IRAG1: variants seen among roughly 807,000 people sequenced by gnomAD.
The protein encoded by IRAG1 is inositol 1,4,5-triphosphate receptor associated 1.
A neutral mutation model predicts 106.2 loss-of-function variants in IRAG1; 62 were observed. The observed-to-expected ratio is 0.58, with a 90% CI of 0.48 to 0.72. The LOEUF (loss-of-function observed/expected upper bound fraction) is 0.72. Ranked by LOEUF, IRAG1 falls within the 30% of genes least tolerant of loss-of-function variation. IRAG1 has a pLI of 0.00. For synonymous variants in IRAG1, 462 were observed against 443.9 expected, an observed-to-expected ratio of 1.04 and a Z score of -0.51; for missense variants, 1,064 against 1,140.7, an observed-to-expected ratio of 0.93 and a Z score of 0.97.
rs1859211208 is a variant in IRAG1 at position 10,659,277 on chromosome 11, G to C, written c.68-7095C>G. Among the ~76,000 whole-genome samples, 1 of 152,192 alleles carries C rather than the reference G, an allele frequency of 6.6e-6. No individual in the cohort carries two copies. Among genetic ancestry groups the C allele is most frequent in the Non-Finnish European group, 1.5e-5 (1 of 68,020 alleles). Reference sequence around the variant, plus strand: ...AAGTGGGTAAGTGAGTGACTGAAGGGGGTACAGCCACCCCCCAGTGTGTGG... The same window carrying C: ...AAGTGGGTAAGTGAGTGACTGAAGGCGGTACAGCCACCCCCCAGTGTGTGG... On this transcript the variant is annotated intron_variant, in intron 1 of 20. Coordinates refer to ENST00000423302, the MANE Select transcript of IRAG1 (RefSeq NM_130385.4). This position sits in a 1 kb window ranked among gnomAD's most constrained non-coding sequence, Gnocchi z 4.1.
At chr11:10,633,205 G>C (rs1856855100) in intron 3 of IRAG1, among the ~76,000 whole-genome samples, 1 of 151,488 alleles carries the variant, frequency 6.6e-6, no homozygotes, top group African/African-American at 2.4e-5. Context: ...CTCCCGAGTA[G>C]CTGGGACTAC....
At chr11:10,578,007 C>T (rs765255313) in intron 20 of IRAG1, among the ~76,000 whole-genome samples, 2 of 152,152 alleles carry the variant, frequency 1.3e-5, no homozygotes, top group Non-Finnish European at 2.9e-5. Flanking sequence ...TAAAATGGAG[C>T]CTTTGGGGCT....
At chr11:10,618,210 G>GCTTC (rs1855574335) in intron 10 of IRAG1, among the ~76,000 whole-genome samples, 3 of 152,072 alleles carry the variant, frequency 2.0e-5, no homozygotes, top group African/African-American at 7.2e-5. Flanking sequence ...CCCCCTGCTT[G>GCTTC]GGATGACTTT....
At chr11:10,614,296 C>T (rs950483554) in intron 10 of IRAG1, among the ~76,000 whole-genome samples, 1 of 152,110 alleles carries the variant, frequency 6.6e-6, no homozygotes, top group African/African-American at 2.4e-5. Context: ...CTGTGTCATA[C>T]CATACCTGAT....
intron 2 of IRAG1, among the ~76,000 whole-genome samples, chr11:10,649,184 A>T (rs983786982): frequency 1.3e-5 from 2 of 152,156 alleles, no homozygotes; most frequent in African/African-American, 4.8e-5. Context: ...TGAGAAACCC[A>T]ATGTGGGTGG....
rs1859030210 is a variant in IRAG1 at position 10,657,723 on chromosome 11, C to T, written c.68-5541G>A. ...TACCACGGGTCTATCTCTAGATGGA[C>T]AACTGATGGGGGGAATTGTTGGGGG... On this transcript the variant is annotated intron_variant, in intron 1 of 20. Transcript: ENST00000423302. The surrounding 1 kb of genome is among the most constrained non-coding windows in gnomAD (Gnocchi z 4.1). Among the ~76,000 whole-genome samples the T allele has an allele frequency of 6.6e-6, 1 of 152,116 alleles. No individual in the cohort carries two copies. Among genetic ancestry groups the T allele is most frequent in the Admixed American group, 6.5e-5 (1 of 15,274 alleles).
At chr11:10,680,385 G>A (rs1861102040) in intron 1 of IRAG1, among the ~76,000 whole-genome samples, 1 of 77,772 alleles carries the variant, frequency 1.3e-5, no homozygotes, top group African/African-American at 8.1e-5. Flanking sequence ...AGGAAGGAAG[G>A]AAGGAAGGAA....
intron 2 of IRAG1, among the ~76,000 whole-genome samples, chr11:10,642,874 G>A (rs2052691): frequency 0.23 from 34,202 of 151,984 alleles, 4,541 homozygotes; most frequent in Middle Eastern, 0.35. Context: ...AGGATAAAAG[G>A]ACTCTCTGGG....
In IRAG1 at chr11:10,623,822, C is replaced by A; in HGVS notation, c.1403G>T (p.Gly468Val). The stretch of plus-strand genomic sequence containing the variant: ...TTCACTAAGGTCTGGAAGCTTGAGC[C>A]CCACTAAGTTCTGATTTCTCATCAG... ...HILMRNQNLV[G>V]LKLPDLSEAA... Residue 468 changes from glycine to valine, a missense_variant, in exon 10 of 21, where the codon GGG becomes GTG. Coordinates refer to ENST00000423302, the MANE Select transcript of IRAG1 (RefSeq NM_130385.4). 6.2e-7 allele frequency: 1 copy of A among 1,614,026 alleles called. No homozygotes were observed. The highest frequency in any genetic ancestry group is 8.5e-7 in the Non-Finnish European group (1 of 1,179,902).
At chr11:10,578,702 G>A (rs1431861625) in intron 20 of IRAG1, among the ~76,000 whole-genome samples, 2 of 152,190 alleles carry the variant, frequency 1.3e-5, no homozygotes, top group East Asian at 1.9e-4. Context: ...ACCAGGAGCT[G>A]GACAGAAAGG....
At chr11:10,619,378 T>C (rs577552722) in intron 10 of IRAG1, among the ~76,000 whole-genome samples, 4 of 152,318 alleles carry the variant, frequency 2.6e-5, no homozygotes, top group Non-Finnish European at 5.9e-5. Flanking sequence ...TGAGTTCATA[T>C]GCAGGGCTGT....
intron 1 of IRAG1, among the ~76,000 whole-genome samples, chr11:10,660,689 T>C (rs1038877446): frequency 4.6e-5 from 7 of 152,128 alleles, no homozygotes; most frequent in African/African-American, 1.7e-4. Context: ...GGACAACTTT[T>C]CCCAAGTGGA....
At chr11:10,577,994 T>G (rs572921184) in intron 20 of IRAG1, among the ~76,000 whole-genome samples, 13 of 152,306 alleles carry the variant, frequency 8.5e-5, no homozygotes, top group African/African-American at 2.9e-4. Flanking sequence ...CAGAGTTGGA[T>G]GCTAAAATGG....
intron 10 of IRAG1, among the ~76,000 whole-genome samples, chr11:10,622,876 G>GACACAC (rs10525799): frequency 2.0e-4 from 28 of 141,484 alleles, no homozygotes; most frequent in Non-Finnish European, 2.5e-4. Context: ...GTAAGCAGTG[G>GACACAC]ACACACACAC....
intron 1 of IRAG1, among the ~76,000 whole-genome samples, chr11:10,680,524 A>AAAGGAAGGAAGGAAGGAAGG (rs368939954): frequency 3.6e-5 from 5 of 139,144 alleles, no homozygotes; most frequent in Admixed American, 6.9e-5. Flanking sequence ...AGAAAGGAAG[A>AAAGGAAGGAAGGAAGGAAGG]AAGGAAGGAA....
intron 18 of IRAG1, among the ~76,000 whole-genome samples, chr11:10,590,809 T>C (rs1021051912): frequency 3.3e-5 from 5 of 152,222 alleles, no homozygotes; most frequent in African/African-American, 1.2e-4. Context: ...AATATGCATT[T>C]TCCTTCCTAC....
intron 10 of IRAG1, among the ~76,000 whole-genome samples, chr11:10,621,440 G>T (rs552960923): frequency 6.6e-6 from 1 of 152,166 alleles, no homozygotes; most frequent in Non-Finnish European, 1.5e-5. Flanking sequence ...TGTGAAGCCT[G>T]GGTCCCTGGA....
intron 20 of IRAG1, 94 bp downstream of exon 20, chr11:10,580,360 TG>T: frequency 6.5e-7 from 1 of 1,543,004 alleles, no homozygotes; most frequent in Non-Finnish European, 8.7e-7. Context: ...ACTGCTGCCC[TG>T]GACTGGCATT....
chr11:10,685,388 CG>C (rs1325511213), intron 1 of IRAG1, among the ~76,000 whole-genome samples: 1 of 144,934 alleles, frequency 6.9e-6, no homozygotes, highest in Non-Finnish European at 1.5e-5. Flanking sequence ...TGTACTTCAG[CG>C]TGGGTGATGC....
Sources: gnomAD v4.1 joint callset for allele counts (sites outside exome capture counted in the v4.1 genomes callset) on GRCh38, gnomAD v4.1.1 for gene constraint, Gnocchi (gnomAD v3.1) non-coding constraint, MANE v1.5 for transcripts, NCBI Gene and HGNC (gene_info 2026-07-23, HGNC 2026-07-21) for gene names.